The following BPTF variants were observed in gnomAD, a reference collection of about 807,000 sequenced individuals.
BPTF encodes nucleosome-remodeling factor subunit BPTF.
In BPTF, 18 loss-of-function variants were observed where a neutral mutation model predicts 292.5. The ratio of observed to expected loss-of-function variants is 0.06; its 90% CI spans 0.04 to 0.09. The LOEUF (loss-of-function observed/expected upper bound fraction) is 0.09. BPTF is among the 10% of genes least tolerant of loss of function. The pLI, the probability that BPTF is intolerant of heterozygous loss-of-function variation, is 1.00. For synonymous variants in BPTF, 1,225 were observed against 1,251.9 expected, an observed-to-expected ratio of 0.98 and a Z score of 0.45; for missense variants, 2,726 against 3,498.7, an observed-to-expected ratio of 0.78 and a Z score of 5.57.
At position 67,872,371 on chromosome 17, in the gene BPTF, T is replaced by G. The variant is rs531186011; in HGVS notation, c.1661-2446T>G. On this transcript the variant is annotated intron_variant, in intron 3 of 27. Coordinates refer to ENST00000306378, the MANE Select transcript of BPTF (RefSeq NM_182641.4). ...TTTTCATTAAATGGCACTGGGAAAG[T>G]AGGGAGGATGTACAATGATTTGGTT... Among the ~76,000 whole-genome samples the G allele has an allele frequency of 2.3e-4, 35 of 152,134 alleles. 1 individual carries two copies. In the South Asian group the frequency reaches 7.3e-3, roughly 32 times the overall value.
intron 4 of BPTF, among the ~76,000 whole-genome samples, chr17:67,885,774 A>G (rs1056540013): frequency 6.6e-6 from 1 of 152,212 alleles, no homozygotes; most frequent in African/African-American, 2.4e-5. Flanking sequence ...TACCTCTGCA[A>G]TATCTGGCGC....
At chr17:67,967,362 A>G (rs1330394259) in intron 26 of BPTF, among the ~76,000 whole-genome samples, 1 of 151,080 alleles carries the variant, frequency 6.6e-6, no homozygotes, top group Non-Finnish European at 1.5e-5. Flanking sequence ...GGATGGTCTC[A>G]ATCTCCTGAC....
Position 67,854,347 on chromosome 17 carries a change from C to A in BPTF, c.1021C>A (p.His341Asn), listed in dbSNP as rs764915029. ...RVYCESDKEY[H>N]HVLPYQEAED... ...GTACTGTGAGAGTGATAAGGAGTAC[C>A]ATCACGTTCTTCCTTACCAAGAGGC... is the stretch of plus-strand genomic sequence containing the variant. Residue 341 changes from histidine to asparagine, a missense_variant, in exon 2 of 28, where the codon CAT (histidine) becomes AAT (asparagine). Physicochemically the swap from His to Asn is moderately conservative, Grantham distance 68 (BLOSUM62 1). Transcript: ENST00000306378. The surrounding 1 kb of genome is among the most constrained non-coding windows in gnomAD (Gnocchi z 5.6). The A allele has an allele frequency of 2.5e-6, 4 of 1,614,038 alleles. No individual in the cohort carries two copies. Among genetic ancestry groups the A allele is most frequent in the Non-Finnish European group, 3.4e-6 (4 of 1,180,032 alleles).
intron 27 of BPTF, chr17:67,977,888 C>G (rs1555694830): frequency 6.7e-6 from 1 of 148,166 alleles, no homozygotes; most frequent in African/African-American, 2.5e-5. Flanking sequence ...GAGTTTCACT[C>G]TTGTTGCCCA....
intron 3 of BPTF, among the ~76,000 whole-genome samples, chr17:67,869,290 CAAA>C (rs771285162): frequency 2.0e-5 from 3 of 151,644 alleles, no homozygotes; most frequent in South Asian, 2.1e-4. Context: ...ATAGAAAAAA[CAAA>C]AAAATATTTT....
At chr17:67,886,219 A>G in intron 4 of BPTF, 1 of 1,614,114 alleles carries the variant, frequency 6.2e-7, no homozygotes, top group South Asian at 1.1e-5. Context: ...GCAGCAGTGA[A>G]CTAAATTCTT....
At chr17:67,853,301 G>A (rs1325970731) in intron 1 of BPTF, among the ~76,000 whole-genome samples, 2 of 152,100 alleles carry the variant, frequency 1.3e-5, no homozygotes, top group Non-Finnish European at 2.9e-5. Flanking sequence ...TGTTTCCTAG[G>A]TAAGCCACTT....
intron 26 of BPTF, among the ~76,000 whole-genome samples, chr17:67,973,661 A>T (rs2069055114): frequency 6.6e-6 from 1 of 151,938 alleles, no homozygotes; most frequent in Non-Finnish European, 1.5e-5. Context: ...ATGTGCCACC[A>T]TGCCTGGCTT....
rs782763517 is a variant in BPTF, at chr17:67,940,489, A to G, written c.6310A>G (p.Thr2104Ala). 4 of 1,614,104 alleles carry G rather than the reference A, an allele frequency of 2.5e-6. No individual in the cohort carries two copies. The highest frequency in any genetic ancestry group is 3.4e-6 in the Non-Finnish European group (4 of 1,180,016). The part of the protein sequence containing the change: ...TQIIRGQPVS[T>A]AVSAPNTVSS... ...AATCATCAGGGGGCAGCCTGTCTCC[A>G]CTGCAGTCTCCGCCCCTAACACGGT... The change falls in exon 19 of 28, where the codon ACT becomes GCT. Residue 2104 changes from threonine (T) to alanine (A), a missense_variant. This residue lies in a region of BPTF where 570 missense variants were observed against 633.5 expected (regional missense o/e 0.90). Transcript: ENST00000306378.
At chr17:67,831,577 G>T (rs2056684777) in intron 1 of BPTF, among the ~76,000 whole-genome samples, 1 of 152,118 alleles carries the variant, frequency 6.6e-6, no homozygotes, top group Admixed American at 6.6e-5. Context: ...CAGGAACTCT[G>T]GTCTCTTCTG....
intron 11 of BPTF, among the ~76,000 whole-genome samples, chr17:67,917,988 T>C (rs143059429): frequency 0.017 from 2,605 of 152,176 alleles, 65 homozygotes; most frequent in African/African-American, 0.055. Flanking sequence ...ATTTTTTGTA[T>C]TTTTAGTAGA....
At chr17:67,899,053 C>A (rs1354452673) in intron 7 of BPTF, among the ~76,000 whole-genome samples, 1 of 151,800 alleles carries the variant, frequency 6.6e-6, no homozygotes, top group Admixed American at 6.6e-5. Flanking sequence ...TTAACACATA[C>A]AATTTTGTTC....
At chr17:67,875,079 A>G (rs2059973466) in intron 4 of BPTF, 59 bp downstream of exon 4, 1 of 1,442,804 alleles carries the variant, frequency 6.9e-7, no homozygotes. Flanking sequence ...TGAAATCTCC[A>G]GTTTTACTTG....
At chr17:67,926,170 G>A (rs1046335405) in intron 15 of BPTF, among the ~76,000 whole-genome samples, 8 of 150,688 alleles carry the variant, frequency 5.3e-5, no homozygotes, top group Admixed American at 6.6e-5. Flanking sequence ...ACCGTGTCTG[G>A]CTGATTTTTG....
chr17:67,920,230 G>C, intron 13 of BPTF, 87 bp downstream of exon 13: 4 of 1,445,304 alleles, frequency 2.8e-6, no homozygotes, highest in South Asian at 2.5e-5. Context: ...TTTCTTCTCT[G>C]TTCACCTTTT....
Position 67,866,482 on chromosome 17 carries a change from T to G in BPTF, c.1455T>G (p.Asn485Lys). Reference protein sequence around the residue: ...RRLIIEEDTENENEKKIWYYS... With the variant: ...RRLIIEEDTEKENEKKIWYYS... ...TAAACAGAGAAGAAGATACAGAAAA[T>G]GAAAATGAAAAGAAAATTTGGTATT... is the stretch of plus-strand genomic sequence containing the variant. Residue 485 changes from asparagine (N) to lysine (K), a missense_variant, in exon 3 of 28, where the codon AAT (asparagine) becomes AAG (lysine). Around this residue, in one of 22 missense-constraint regions of BPTF, gnomAD observed 187 missense variants for 201.5 expected, o/e 0.93. Transcript: ENST00000306378. The G allele has an allele frequency of 6.2e-7, 1 of 1,610,044 alleles. No homozygotes were observed. The highest frequency in any genetic ancestry group is 8.5e-7 in the Non-Finnish European group (1 of 1,176,532).
chr17:67,964,414 C>T lies in BPTF; in HGVS notation c.8454+10C>T. ...GCTCCGTTCCTTACAGGTGAGACCC[C>T]TCTGTGTGCAGCATTTCAAAATGAA... is the stretch of plus-strand genomic sequence containing the variant. On this transcript the variant is annotated intron_variant, in intron 25 of 27. Coordinates refer to ENST00000306378, the MANE Select transcript of BPTF (RefSeq NM_182641.4). 2.5e-6 allele frequency: 4 copies of T among 1,594,046 alleles called. No individual in the cohort carries two copies. The highest frequency in any genetic ancestry group is 3.4e-6 in the Non-Finnish European group (4 of 1,165,368).
intron 7 of BPTF, among the ~76,000 whole-genome samples, chr17:67,897,341 CAAAAAAA>C (rs750678904): frequency 0.02 from 361 of 17,704 alleles, 11 homozygotes; most frequent in Admixed American, 0.16. Context: ...AACTCTGTCT[CAAAAAAA>C]AAAAAAAAAA....
chr17:67,976,341 C>T (rs1379686580), intron 27 of BPTF, among the ~76,000 whole-genome samples: 9 of 152,082 alleles, frequency 5.9e-5, no homozygotes, highest in South Asian at 2.1e-4. Flanking sequence ...GGTGTGGTGA[C>T]GCACGCATGT....
Sources: gnomAD v4.1 joint callset for allele counts (sites outside exome capture counted in the v4.1 genomes callset) on GRCh38, gnomAD v4.1.1 for gene constraint, gnomAD v4.1.1 regional missense constraint, Gnocchi (gnomAD v3.1) non-coding constraint, MANE v1.5 for transcripts, NCBI Gene and HGNC (gene_info 2026-07-23, HGNC 2026-07-21) for gene names.